PDE7B: variants seen among roughly 807,000 people sequenced by gnomAD.
PDE7B encodes phosphodiesterase 7B.
In PDE7B, 29 loss-of-function variants were observed where a neutral mutation model predicts 56.2. The observed-to-expected ratio is 0.52, with a 90% CI of 0.38 to 0.70. The LOEUF (loss-of-function observed/expected upper bound fraction) is 0.70, where lower values mean the gene tolerates loss of function less well. Among genes scored for constraint, PDE7B ranks in the 30% least tolerant of loss-of-function variants. The probability of loss-of-function intolerance (pLI) is 0.00; values close to 1 mark genes in which losing one functional copy is unlikely to be tolerated. For missense variants in PDE7B, 490 were observed against 565.0 expected (o/e 0.87, Z 1.35); for synonymous variants, 197 against 196.9 (o/e 1.00, Z 0.00).
intron 1 of PDE7B, among the ~76,000 whole-genome samples, chr6:135,899,765 G>A (rs1364022694): frequency 6.6e-6 from 1 of 151,856 alleles, no homozygotes; most frequent in Non-Finnish European, 1.5e-5. Context: ...TTTAAATATA[G>A]ATCTTTTTGG....
rs114736056 is a variant in PDE7B at position 135,939,374 on chromosome 6, T to A, written c.22-8090T>A. On this transcript the variant is annotated intron_variant, in intron 1 of 12. Coordinates refer to ENST00000308191, the MANE Select transcript of PDE7B (RefSeq NM_018945.4). ...CGATGAGGCCCTGATTTGAAAGCAG[T>A]GCCAGGTTGTTGCTGGAGATCTGCA... Among the ~76,000 whole-genome samples, 819 of 152,276 alleles carry A rather than the reference T, an allele frequency of 5.4e-3. 9 individuals are homozygous for A. Among genetic ancestry groups the A allele is most frequent in the African/African-American group, 0.019 (770 of 41,552 alleles).
chr6:136,125,563 T>C (rs1244077924), intron 3 of PDE7B, among the ~76,000 whole-genome samples: 2 of 151,966 alleles, frequency 1.3e-5, no homozygotes, highest in Admixed American at 6.6e-5. Context: ...GCAAAGATCC[T>C]GTCCCTAAAA....
intron 1 of PDE7B, among the ~76,000 whole-genome samples, chr6:135,903,141 A>G (rs1002974833): frequency 2.0e-5 from 3 of 152,196 alleles, no homozygotes; most frequent in South Asian, 2.1e-4. Context: ...GAATAATGAC[A>G]TGGGAACAAA....
intron 2 of PDE7B, among the ~76,000 whole-genome samples, chr6:135,961,683 G>T (rs1321342348): frequency 6.6e-6 from 1 of 152,100 alleles, no homozygotes; most frequent in Non-Finnish European, 1.5e-5. Flanking sequence ...TCCCACAAAT[G>T]ATCCTAGTAA....
At chr6:136,138,170 G>A (rs1040000453) in intron 3 of PDE7B, among the ~76,000 whole-genome samples, 1 of 152,016 alleles carries the variant, frequency 6.6e-6, no homozygotes, top group African/African-American at 2.4e-5. Context: ...TTTACAAGAG[G>A]AATTTAGCGA....
chr6:135,963,818 A>G (rs1005561579), intron 2 of PDE7B, among the ~76,000 whole-genome samples: 1 of 152,008 alleles, frequency 6.6e-6, no homozygotes, highest in African/African-American at 2.4e-5. Context: ...ACTTTTTTCT[A>G]TTTTTAATGA....
intron 2 of PDE7B, among the ~76,000 whole-genome samples, chr6:136,035,530 C>T (rs972599343): frequency 1.3e-5 from 2 of 152,168 alleles, no homozygotes; most frequent in Non-Finnish European, 2.9e-5. Flanking sequence ...TGAGAATGAC[C>T]TTTCTTGTGG....
At chr6:135,945,515 T>A (rs1285648756) in intron 1 of PDE7B, among the ~76,000 whole-genome samples, 3 of 152,014 alleles carry the variant, frequency 2.0e-5, no homozygotes, top group East Asian at 3.9e-4. Context: ...TAAAAAAAAA[T>A]GGATTGATTT....
intron 1 of PDE7B, among the ~76,000 whole-genome samples, chr6:135,854,487 T>C (rs1406860304): frequency 6.6e-6 from 1 of 152,168 alleles, no homozygotes; most frequent in African/African-American, 2.4e-5. Flanking sequence ...CCCTCAAAAA[T>C]CTACAGCTTA....
intron 1 of PDE7B, among the ~76,000 whole-genome samples, chr6:135,876,816 G>A (rs1001514238): frequency 2.6e-5 from 4 of 151,900 alleles, no homozygotes; most frequent in South Asian, 2.1e-4. Context: ...CTGAGATTGC[G>A]CCACTGCGCT....
At chr6:136,111,603 A>G (rs1414975831) in intron 3 of PDE7B, among the ~76,000 whole-genome samples, 3 of 152,230 alleles carry the variant, frequency 2.0e-5, no homozygotes, top group African/African-American at 7.2e-5. Context: ...TAAGGTATAT[A>G]TGGCATATCT....
chr6:135,987,040 G>T (rs188599523), intron 2 of PDE7B, among the ~76,000 whole-genome samples: 76 of 152,260 alleles, frequency 5.0e-4, no homozygotes, highest in Middle Eastern at 3.4e-3. Context: ...TTAAAGGAGG[G>T]TGTGTATAGA....
intron 1 of PDE7B, among the ~76,000 whole-genome samples, chr6:135,935,656 T>G (rs1466748793): frequency 2.6e-5 from 4 of 152,172 alleles, no homozygotes; most frequent in African/African-American, 7.2e-5. Flanking sequence ...AGAGGTGTCT[T>G]TCAAATATTG....
chr6:135,967,139 C>T (rs921022049), intron 2 of PDE7B, among the ~76,000 whole-genome samples: 4 of 152,082 alleles, frequency 2.6e-5, no homozygotes, highest in Admixed American at 1.3e-4. Context: ...CATTGATAGG[C>T]CCAGAAAAGT....
At chr6:136,071,989 T>C (rs1190328319) in intron 2 of PDE7B, among the ~76,000 whole-genome samples, 1 of 152,188 alleles carries the variant, frequency 6.6e-6, no homozygotes, top group African/African-American at 2.4e-5. Flanking sequence ...GTTTTAAGAA[T>C]TAAATGAGGT....
At chr6:135,879,553 C>T (rs1775566300) in intron 1 of PDE7B, among the ~76,000 whole-genome samples, 1 of 151,892 alleles carries the variant, frequency 6.6e-6, no homozygotes, top group Non-Finnish European at 1.5e-5. Flanking sequence ...CTTAAGAGTA[C>T]TTTTAAAAAT....
At chr6:135,923,746 A>C (rs1466410225) in intron 1 of PDE7B, among the ~76,000 whole-genome samples, 1 of 152,214 alleles carries the variant, frequency 6.6e-6, no homozygotes, top group Non-Finnish European at 1.5e-5. Flanking sequence ...GAAATTATAC[A>C]TGGAAATTTT....
intron 2 of PDE7B, among the ~76,000 whole-genome samples, chr6:136,030,560 G>T (rs985464294): frequency 6.6e-6 from 1 of 152,184 alleles, no homozygotes; most frequent in Non-Finnish European, 1.5e-5. Flanking sequence ...CACCATGAAT[G>T]CCTGCTTCCT....
rs33992191 is a variant in PDE7B, at chr6:136,068,423, CTTTTTTTT to C, written c.83-40290_83-40283del. Among the ~76,000 whole-genome samples, 698 of 79,598 alleles carry C rather than the reference CTTTTTTTT, an allele frequency of 8.8e-3. 5 individuals are homozygous for C. The highest frequency in any genetic ancestry group is 0.037 in the African/African-American group (671 of 18,334). 52.2% of individuals were successfully genotyped at this position (79,598 alleles called of 152,430 possible). On this transcript the variant is annotated intron_variant, in intron 2 of 12. Transcript: ENST00000308191. ...GAAGGGGTTGTGGAGACCAAGATTC[CTTTTTTTT>C]TTTTTTTTTTTTTTTTTGAGACGGA...
Sources: allele counts gnomAD v4.1 joint callset (sites outside exome capture counted in the v4.1 genomes callset), GRCh38; gene constraint gnomAD v4.1.1; transcripts MANE v1.5; gene names NCBI Gene and HGNC (gene_info 2026-07-23, HGNC 2026-07-21).